The following ZNF385D variants were observed in gnomAD, a reference collection of about 807,000 sequenced individuals.
The protein encoded by ZNF385D is zinc finger protein 385D.
A neutral mutation model predicts 35.8 loss-of-function variants in ZNF385D; 15 were observed. That is an observed-to-expected ratio of 0.42 (90% CI 0.28 to 0.64). ZNF385D has a LOEUF of 0.64. Ranked by LOEUF, ZNF385D falls within the 30% of genes least tolerant of loss-of-function variation. The probability of loss-of-function intolerance (pLI) is 0.23; values close to 1 mark genes in which losing one functional copy is unlikely to be tolerated. For missense variants in ZNF385D, 474 were observed against 494.6 expected, an observed-to-expected ratio of 0.96 and a Z score of 0.39; for synonymous variants, 212 against 186.8, an observed-to-expected ratio of 1.13 and a Z score of -1.10.
rs148273525 is a variant in ZNF385D at position 21,664,891 on chromosome 3, T to C, written c.160A>G (p.Asn54Asp). Residue 54 changes from asparagine (N) to aspartate (D), a missense_variant, in exon 2 of 8, where the codon AAT (asparagine) becomes GAT (aspartate). Physicochemically the swap from Asn to Asp is conservative, Grantham distance 23 (BLOSUM62 1). Coordinates refer to ENST00000281523, the MANE Select transcript of ZNF385D (RefSeq NM_024697.3). Reference sequence around the variant, plus strand: ...CAAATTTGGCAGGTACTTACCGCATTGAAATTGGGGAAGAGGTTGACTGCA... The same window carrying C: ...CAAATTTGGCAGGTACTTACCGCATCGAAATTGGGGAAGAGGTTGACTGCA... ...AAAVNLFPNF[N>D]AMDPIQKAVI... 6.2e-6 allele frequency: 10 copies of C among 1,613,430 alleles called. No individual in the cohort carries two copies. In the African/African-American group the frequency reaches 1.3e-4, roughly 22 times the overall value.
chr3:21,912,052 T>C (rs1218386204), intron 3 of ZNF385D, among the ~76,000 whole-genome samples: 1 of 151,978 alleles, frequency 6.6e-6, no homozygotes, highest in East Asian at 1.9e-4. Context: ...TAATTTCTTG[T>C]TCCAGGAAAT....
At chr3:21,711,172 G>C (rs113961826) in intron 1 of ZNF385D, among the ~76,000 whole-genome samples, 3,141 of 148,096 alleles carry the variant, frequency 0.021, 109 homozygotes, top group African/African-American at 0.074. Flanking sequence ...CTCCCGAGTA[G>C]CTGGGACTAC....
intron 7 of ZNF385D, 31 bp from the exon 8 acceptor site, chr3:21,421,478 A>T (rs1242896141): frequency 6.4e-7 from 1 of 1,562,024 alleles, no homozygotes; most frequent in Admixed American, 1.7e-5. Flanking sequence ...TGTAAAAAAA[A>T]CAACAGTTTT....
chr3:22,275,517 A>C (rs751482660), intron 2 of ZNF385D, among the ~76,000 whole-genome samples: 1 of 152,108 alleles, frequency 6.6e-6, no homozygotes, highest in African/African-American at 2.4e-5. Flanking sequence ...AAGAAATAAA[A>C]CTGCATCTTA....
chr3:21,856,248 A>G (rs1413184886), intron 3 of ZNF385D, among the ~76,000 whole-genome samples: 1 of 152,000 alleles, frequency 6.6e-6, no homozygotes, highest in Non-Finnish European at 1.5e-5. Context: ...TGATGGATCT[A>G]TTTCAACAAC....
At chr3:22,222,386 A>G (rs1698313350) in intron 2 of ZNF385D, among the ~76,000 whole-genome samples, 1 of 152,180 alleles carries the variant, frequency 6.6e-6, no homozygotes, top group Non-Finnish European at 1.5e-5. Context: ...ACTTGTATCT[A>G]CTTATTTTAG....
chr3:21,803,776 T>A (rs765384179), intron 3 of ZNF385D, among the ~76,000 whole-genome samples: 2 of 152,190 alleles, frequency 1.3e-5, no homozygotes, highest in Non-Finnish European at 2.9e-5. Flanking sequence ...TATCTCCATA[T>A]GAGATATAAT....
intron 2 of ZNF385D, among the ~76,000 whole-genome samples, chr3:21,594,621 A>AGACAT (rs1434350203): frequency 6.6e-6 from 1 of 152,202 alleles, no homozygotes; most frequent in African/African-American, 2.4e-5. Context: ...CCCTTTAAGC[A>AGACAT]GACATGACAT....
chr3:21,909,742 A>G (rs1302517135), intron 3 of ZNF385D, among the ~76,000 whole-genome samples: 1 of 151,974 alleles, frequency 6.6e-6, no homozygotes, highest in Non-Finnish European at 1.5e-5. Flanking sequence ...ACCTTTAACT[A>G]TGGGAAATCT....
chr3:22,018,413 G>C (rs192757016), intron 3 of ZNF385D, among the ~76,000 whole-genome samples: 1 of 151,412 alleles, frequency 6.6e-6, no homozygotes, highest in Non-Finnish European at 1.5e-5. Context: ...AACTTTTCCT[G>C]GTAATTTTTT....
chr3:21,581,963 A>G (rs562619247), intron 2 of ZNF385D, among the ~76,000 whole-genome samples: 5 of 152,232 alleles, frequency 3.3e-5, no homozygotes, highest in African/African-American at 9.6e-5. Context: ...TTAGATTAAA[A>G]TTTTTTTACC....
Position 22,241,150 on chromosome 3 carries a change from C to T in ZNF385D, c.107-72115G>A, listed in dbSNP as rs115220095. On this transcript the variant is annotated intron_variant, in intron 2 of 5. Transcript: ENST00000494108. Reference sequence around the variant, plus strand: ...TTATCCTTATTGTATTCTAAGAAACCTTAACTAGCCCAACTGTACTGAAAC... The same window carrying T: ...TTATCCTTATTGTATTCTAAGAAACTTTAACTAGCCCAACTGTACTGAAAC... Among the ~76,000 whole-genome samples, 622 of 151,120 alleles carry T rather than the reference C, an allele frequency of 4.1e-3. 33 individuals carry two copies. Among genetic ancestry groups the T allele is most frequent in the African/African-American group, 0.014 (574 of 40,940 alleles).
At chr3:21,505,241 G>A (rs1038379511) in intron 4 of ZNF385D, among the ~76,000 whole-genome samples, 4 of 151,974 alleles carry the variant, frequency 2.6e-5, no homozygotes, top group Non-Finnish European at 4.4e-5. Context: ...CCAAGTAAGT[G>A]AGCAATGGGC....
chr3:22,139,444 G>T (rs571247795), intron 3 of ZNF385D, among the ~76,000 whole-genome samples: 1 of 151,996 alleles, frequency 6.6e-6, no homozygotes, highest in Non-Finnish European at 1.5e-5. Context: ...CATAAAAAAC[G>T]ATGAGTTCAT....
Position 21,751,005 on chromosome 3 carries a change from A to T in ZNF385D, c.-89T>A. ...GTAGAGCAGAGCCCTTTCATGCTAC[A>T]TTCGGTGGAAATGTCCCCGGCGTGG... On this transcript the variant is annotated 5_prime_UTR_variant, in exon 1 of 8. It removes an upstream start codon present in the reference 5' UTR. Transcript: ENST00000281523. 4 of 1,609,476 alleles carry T rather than the reference A, an allele frequency of 2.5e-6. No homozygotes were observed. The highest frequency in any genetic ancestry group is 3.4e-6 in the Non-Finnish European group (4 of 1,178,076).
chr3:22,080,105 G>C (rs1700672640), intron 3 of ZNF385D, among the ~76,000 whole-genome samples: 1 of 152,030 alleles, frequency 6.6e-6, no homozygotes. Flanking sequence ...AGATGTTTTT[G>C]CCATTACAGT....
chr3:21,458,440 C>G (rs451474), intron 4 of ZNF385D, among the ~76,000 whole-genome samples: 25,720 of 151,518 alleles, frequency 0.17, 2,326 homozygotes, highest in Non-Finnish European at 0.2. Context: ...CAAGATCACA[C>G]CACTGCACTC....
At chr3:21,746,212 G>C (rs976348892) in intron 1 of ZNF385D, among the ~76,000 whole-genome samples, 1 of 152,128 alleles carries the variant, frequency 6.6e-6, no homozygotes, top group Non-Finnish European at 1.5e-5. Flanking sequence ...CCACGAAAGC[G>C]TAACTTTGCA....
chr3:22,101,535 T>C (rs1048602979), intron 3 of ZNF385D, among the ~76,000 whole-genome samples: 2 of 152,070 alleles, frequency 1.3e-5, no homozygotes, highest in Non-Finnish European at 2.9e-5. Flanking sequence ...AAATAGCATA[T>C]TATTACACCC....
Sources: gnomAD v4.1 joint callset for allele counts (sites outside exome capture counted in the v4.1 genomes callset) on GRCh38, gnomAD v4.1.1 for gene constraint, MANE v1.5 for transcripts, NCBI Gene and HGNC (gene_info 2026-07-23, HGNC 2026-07-21) for gene names.